The following MYOM1 variants were observed in gnomAD, a reference collection of about 807,000 sequenced individuals.
MYOM1 encodes myomesin 1.
In MYOM1, 164 loss-of-function variants were observed where a neutral mutation model predicts 205.3. The observed-to-expected ratio is 0.80, with a 90% CI of 0.70 to 0.91. The LOEUF (loss-of-function observed/expected upper bound fraction) is 0.91. MYOM1 is among the 40% of genes least tolerant of loss of function. The pLI, the probability that MYOM1 is intolerant of heterozygous loss-of-function variation, is 0.00. For missense variants in MYOM1, 2,011 were observed against 2,127.3 expected, an observed-to-expected ratio of 0.95 and a Z score of 1.08; for synonymous variants, 772 against 789.4, an observed-to-expected ratio of 0.98 and a Z score of 0.37.
chr18:3,243,881 T>G, the MYOM1 span, among the ~76,000 whole-genome samples: 1 of 152,138 alleles, frequency 6.6e-6, no homozygotes, highest in East Asian at 1.9e-4. Flanking sequence ...ATAATAACTG[T>G]CCATTCCATT....
chr18:3,122,198 G>A (rs1206872267), intron 19 of MYOM1, among the ~76,000 whole-genome samples: 1 of 145,810 alleles, frequency 6.9e-6, no homozygotes, highest in African/African-American at 2.6e-5. Flanking sequence ...TTTTTTTTAA[G>A]TAATCAGTAA....
At chr18:3,091,568 G>A (rs1414504995) in intron 26 of MYOM1, among the ~76,000 whole-genome samples, 3 of 151,880 alleles carry the variant, frequency 2.0e-5, no homozygotes, top group East Asian at 1.9e-4. Flanking sequence ...CTTATACCCA[G>A]GTAAAGGGAA....
chr18:3,074,970 T>G (rs1320720261), intron 36 of MYOM1, among the ~76,000 whole-genome samples: 2 of 152,100 alleles, frequency 1.3e-5, no homozygotes, highest in Non-Finnish European at 2.9e-5. Flanking sequence ...ATTTTTGTAT[T>G]TTTTAGTAGA....
At chr18:3,191,757 G>A (rs1467410384) in intron 3 of MYOM1, among the ~76,000 whole-genome samples, 13 of 151,180 alleles carry the variant, frequency 8.6e-5, no homozygotes, top group East Asian at 7.8e-4. Flanking sequence ...GTGCAGTGGC[G>A]TGATCTCAGC....
chr18:3,134,500 G>A (rs922077589), intron 16 of MYOM1, 150 bp downstream of exon 16: 48 of 759,294 alleles, frequency 6.3e-5, no homozygotes, highest in East Asian at 1.9e-4. Flanking sequence ...CTCAGCCTCC[G>A]AAAGTGCTAG....
In MYOM1 at chr18:3,176,067, C is replaced by T. The variant is rs1455531819; in HGVS notation, c.997G>A (p.Gly333Arg). 1.2e-6 allele frequency: 2 copies of T among 1,603,488 alleles called. No individual in the cohort carries two copies. Among genetic ancestry groups the T allele is most frequent in the Non-Finnish European group, 1.7e-6 (2 of 1,170,578 alleles). The change falls in exon 6 of 38, where the codon GGG (glycine) becomes AGG (arginine). Residue 333 changes from glycine to arginine, a missense_variant. Transcript: ENST00000356443. ...CCATTAATCTCCAGAGTGTGCATCC[C>T]ATATCGACTCTCAATAATATACTTT... is the stretch of plus-strand genomic sequence containing the variant. The part of the protein sequence containing the change: ...PGKYIIESRY[G>R]MHTLEINGCD...
upstream of MYOM1, among the ~76,000 whole-genome samples, chr18:3,222,769 G>C (rs2081337289): frequency 6.6e-6 from 1 of 152,118 alleles, no homozygotes; most frequent in Non-Finnish European, 1.5e-5. Flanking sequence ...ATGGTTGAGA[G>C]GCAGCATAGT....
At chr18:3,233,464 GCT>G in the MYOM1 span, among the ~76,000 whole-genome samples, 1 of 152,172 alleles carries the variant, frequency 6.6e-6, no homozygotes, top group African/African-American at 2.4e-5. Context: ...ATCAGGGCTT[GCT>G]CTTTTTCCTC....
Position 3,152,052 on chromosome 18 carries a change from GTTT to G in MYOM1, c.1644-162_1644-160del, listed in dbSNP as rs2080231150. Reference sequence around the variant, plus strand: ...CTGGTGAACTGCATGCAGGCACTCCGTTTCACTCAAATGCACTGTGTCTTCTTT... The same window carrying G: ...CTGGTGAACTGCATGCAGGCACTCCGCACTCAAATGCACTGTGTCTTCTTT... On this transcript the variant is annotated intron_variant, in intron 11 of 37. Transcript: ENST00000356443. This position sits in a 1 kb window ranked among gnomAD's most constrained non-coding sequence, Gnocchi z 4.3. 6.6e-6 allele frequency among the ~76,000 whole-genome samples: 1 copy of G among 152,152 alleles called. No individual in the cohort carries two copies. Among genetic ancestry groups the G allele is most frequent in the Admixed American group, 6.5e-5 (1 of 15,278 alleles).
chr18:3,239,971 T>C, the MYOM1 span, among the ~76,000 whole-genome samples: 3 of 152,052 alleles, frequency 2.0e-5, no homozygotes. Flanking sequence ...ACATGGATTA[T>C]TGTGCTTTAT....
chr18:3,128,357 G>A (rs886950648), intron 18 of MYOM1, among the ~76,000 whole-genome samples: 2 of 152,118 alleles, frequency 1.3e-5, no homozygotes, highest in African/African-American at 4.8e-5. Context: ...TGGATGAGAG[G>A]CATTTAAAAA....
Position 3,152,412 on chromosome 18 carries a change from G to C in MYOM1, c.1644-519C>G, listed in dbSNP as rs74792161. On this transcript the variant is annotated intron_variant, in intron 11 of 37. Transcript: ENST00000356443. This position sits in a 1 kb window ranked among gnomAD's most constrained non-coding sequence, Gnocchi z 4.3. ...CATGGTCATTCCATCCTGTGTAGAG[G>C]GTAAGAAGGTTATTGTGAAGATGTT... 1.1e-3 allele frequency among the ~76,000 whole-genome samples: 162 copies of C among 152,222 alleles called. 3 individuals are homozygous for C. In the East Asian group the frequency reaches 0.029, roughly 27 times the overall value.
chr18:3,126,834 C>A lies in MYOM1; in HGVS notation c.2858G>T (p.Gly953Val). The A allele has an allele frequency of 6.2e-7, 1 of 1,613,508 alleles. No individual in the cohort carries two copies. The change falls in exon 19 of 38, where the codon GGA (glycine) becomes GTA (valine). Residue 953 changes from glycine to valine, a missense_variant. Physicochemically the swap from Gly to Val is moderately radical, Grantham distance 109 (BLOSUM62 -3). Coordinates refer to ENST00000356443, the MANE Select transcript of MYOM1 (RefSeq NM_003803.4). ...TCCAATCTTATCTGGTTGCTTCCATCCAAGAACCATTGAGTCACGAAAACT... is the reference window on the plus strand; with the variant it reads ...TCCAATCTTATCTGGTTGCTTCCATACAAGAACCATTGAGTCACGAAAACT... ...LESFRDSMVL[G>V]WKQPDKIGGA...
Position 3,090,646 on chromosome 18 carries a change from C to T in MYOM1, c.4009+12G>A, listed in dbSNP as rs759658115. Reference sequence around the variant, plus strand: ...GCAAAGCCTGCTGGTTAATGTTCCACGGAATTCTTACCATCTCCAACGAGA... The same window carrying T: ...GCAAAGCCTGCTGGTTAATGTTCCATGGAATTCTTACCATCTCCAACGAGA... On this transcript the variant is annotated intron_variant, in intron 27 of 37. Transcript: ENST00000356443. 26 of 1,613,628 alleles carry T rather than the reference C, an allele frequency of 1.6e-5. No homozygotes were observed. The highest frequency in any genetic ancestry group is 6.7e-5 in the East Asian group (3 of 44,890).
chr18:3,179,953 C>T lies in MYOM1; in HGVS notation c.930-3819G>A, dbSNP rs557169347. Among the ~76,000 whole-genome samples, 63 of 152,194 alleles carry T rather than the reference C, an allele frequency of 4.1e-4. No individual in the cohort carries two copies. Among genetic ancestry groups the T allele is most frequent in the South Asian group, 2.7e-3 (13 of 4,822 alleles). On this transcript the variant is annotated intron_variant, in intron 5 of 37. Coordinates refer to ENST00000356443, the MANE Select transcript of MYOM1 (RefSeq NM_003803.4). The surrounding 1 kb of genome is among the most constrained non-coding windows in gnomAD (Gnocchi z 4.4). ...CCAAATGACTCAGTGACACTCAATT[C>T]GGCTTCGGATCAAAAGTATTGCTCA...
chr18:3,215,895 G>A (rs1020814848), intron 1 of MYOM1, among the ~76,000 whole-genome samples: 1 of 152,174 alleles, frequency 6.6e-6, no homozygotes, highest in Non-Finnish European at 1.5e-5. Context: ...GAATGTGGAA[G>A]GATAGAGAGT....
At chr18:3,183,377 C>T (rs2080766919) in intron 5 of MYOM1, among the ~76,000 whole-genome samples, 1 of 152,158 alleles carries the variant, frequency 6.6e-6, no homozygotes, top group African/African-American at 2.4e-5. Flanking sequence ...CTCTGGTAAC[C>T]TCTAGGTTCC....
intron 3 of MYOM1, chr18:3,190,293 A>G (rs1215574369): frequency 6.6e-6 from 1 of 152,220 alleles, no homozygotes; most frequent in Non-Finnish European, 1.5e-5. Flanking sequence ...TTCTCTTGAC[A>G]TTGAGTCTCC....
At position 3,135,677 on chromosome 18, in the gene MYOM1, C is replaced by T. The variant is rs1014448013; in HGVS notation, c.2079G>A (p.Lys693=). 2 of 1,613,990 alleles carry T rather than the reference C, an allele frequency of 1.2e-6. No homozygotes were observed. The change falls in exon 15 of 38, where the codon AAG becomes AAA. Residue 693 remains lysine, a synonymous_variant. Coordinates refer to ENST00000356443, the MANE Select transcript of MYOM1 (RefSeq NM_003803.4). The surrounding 1 kb of genome is among the most constrained non-coding windows in gnomAD (Gnocchi z 4.1). ...WQRVNTELPV[K]SPRFALFDLA... is the part of the protein sequence containing the mutation. ...AGTCAAACAGAGCAAAGCGGGGAGACTTCACAGGGAGCTCCGTGTTCACTC... is the reference window on the plus strand; with the variant it reads ...AGTCAAACAGAGCAAAGCGGGGAGATTTCACAGGGAGCTCCGTGTTCACTC...
Sources: allele counts gnomAD v4.1 joint callset (sites outside exome capture counted in the v4.1 genomes callset), GRCh38; gene constraint gnomAD v4.1.1; non-coding constraint Gnocchi (gnomAD v3.1); transcripts MANE v1.5; gene names NCBI Gene and HGNC (gene_info 2026-07-23, HGNC 2026-07-21).